Variants in ATP6V0A2 observed in about 807,000 individuals in gnomAD.
The protein encoded by ATP6V0A2 is V-type proton ATPase 116 kDa subunit a 2.
Under a neutral mutation model 104.4 loss-of-function variants are expected in ATP6V0A2, and 58 were observed. The observed-to-expected ratio is 0.56, with a 90% confidence interval of 0.45 to 0.69. The LOEUF (loss-of-function observed/expected upper bound fraction) is 0.69, where lower values mean the gene tolerates loss of function less well. ATP6V0A2 is among the 30% of genes least tolerant of loss of function. The pLI is 0.00. For synonymous variants in ATP6V0A2, 376 were observed against 397.9 expected (o/e 0.95, Z 0.65); for missense variants, 938 against 1,062.9 (o/e 0.88, Z 1.63).
intron 9 of ATP6V0A2, chr12:123,737,650 G>A: frequency 3.4e-6 from 1 of 295,142 alleles, no homozygotes; most frequent in Middle Eastern, 1.3e-3. Flanking sequence ...TCATTCACAT[G>A]GTGTAAAAGT....
chr12:123,757,952 G>A lies in ATP6V0A2; in HGVS notation c.2491G>A (p.Val831Ile), dbSNP rs774595060. Residue 831 changes from valine to isoleucine, a missense_variant, in exon 20 of 20, where the codon GTT (valine) becomes ATT (isoleucine). Transcript: ENST00000330342. Reference sequence around the variant, plus strand: ...GGTAGAATTTCAGAACAAATTCTACGTTGGTGCAGGCACCAAATTTGTTCC... The same window carrying A: ...GGTAGAATTTCAGAACAAATTCTACATTGGTGCAGGCACCAAATTTGTTCC... ...HWVEFQNKFY[V>I]GAGTKFVPFS... 2.6e-5 allele frequency: 41 copies of A among 1,599,808 alleles called. No homozygotes were observed. The highest frequency in any genetic ancestry group is 3.0e-5 in the Non-Finnish European group (35 of 1,173,778).
At chr12:123,727,988 C>T (rs1956464414) in intron 6 of ATP6V0A2, 79 bp downstream of exon 6, 4 of 1,584,032 alleles carry the variant, frequency 2.5e-6, no homozygotes, top group African/African-American at 1.3e-5. Flanking sequence ...GAATGTTTTT[C>T]TCCTGAACCA....
At position 123,744,736 on chromosome 12, in the gene ATP6V0A2, A is replaced by G. The variant is rs773134232; in HGVS notation, c.1466A>G (p.Tyr489Cys). Residue 489 changes from tyrosine (Y) to cysteine (C), a missense_variant, in exon 12 of 20, where the codon TAC becomes TGC. By Grantham distance (194) the Tyr-to-Cys change is radical. Coordinates refer to ENST00000330342, the MANE Select transcript of ATP6V0A2 (RefSeq NM_012463.4). This position sits in a 1 kb window ranked among gnomAD's most constrained non-coding sequence, Gnocchi z 5.4. ...FGSGWNVSAM[Y>C]SSSHPPAEHK... ...TCTGGGTGGAACGTGTCGGCCATGTACAGCTCCAGCCACCCACCCGCAGAG... is the reference window on the plus strand; with the variant it reads ...TCTGGGTGGAACGTGTCGGCCATGTGCAGCTCCAGCCACCCACCCGCAGAG... 4 of 1,614,132 alleles carry G rather than the reference A, an allele frequency of 2.5e-6. No homozygotes were observed. The highest frequency in any genetic ancestry group is 4.5e-5 in the East Asian group (2 of 44,880).
rs145125816 is a variant in ATP6V0A2, at chr12:123,756,923, C to G, written c.2402C>G (p.Thr801Ser). The G allele has an allele frequency of 5.0e-6, 8 of 1,614,100 alleles. No individual in the cohort carries two copies. The African/African-American group carries it at 1.1e-4, about 22-fold the overall frequency. The change falls in exon 19 of 20, where the codon ACC becomes AGC. Residue 801 changes from threonine (T) to serine (S), a missense_variant. Coordinates refer to ENST00000330342, the MANE Select transcript of ATP6V0A2 (RefSeq NM_012463.4). ...GTTATCGCGCTCTTTGCAGTTTTGACCATTTTCATCCTTCTGATCATGGAA... is the reference window on the plus strand; with the variant it reads ...GTTATCGCGCTCTTTGCAGTTTTGAGCATTTTCATCCTTCTGATCATGGAA... ...LPVIALFAVL[T>S]IFILLIMEGL...
At position 123,758,187 on chromosome 12, in the gene ATP6V0A2, T is replaced by C. The variant is rs543159551; in HGVS notation, c.*155T>C. The stretch of plus-strand genomic sequence containing the variant: ...CTGTAAGATATACCTCTTCCTCATA[T>C]GTTAAATATTTTGTAAAGTTTACCA... On this transcript the variant is annotated 3_prime_UTR_variant, in exon 20 of 20. Coordinates refer to ENST00000330342, the MANE Select transcript of ATP6V0A2 (RefSeq NM_012463.4). 1.4e-5 allele frequency: 7 copies of C among 511,614 alleles called. No homozygotes were observed. In the Admixed American group the frequency reaches 2.2e-4, roughly 16 times the overall value. 31.7% of individuals were successfully genotyped at this position (511,614 alleles called of 1,614,324 possible). A position where few individuals can be genotyped will look rare whatever the true frequency, so the allele number is the denominator to read the frequency against.
chr12:123,735,680 C>A (rs1056717594), intron 8 of ATP6V0A2, 56 bp downstream of exon 8: 24 of 1,327,186 alleles, frequency 1.8e-5, no homozygotes, highest in Non-Finnish European at 2.5e-5. Flanking sequence ...AACATTTACA[C>A]GTATATTTTC....
chr12:123,720,695 G>A (rs989710503), intron 2 of ATP6V0A2, among the ~76,000 whole-genome samples: 1 of 152,090 alleles, frequency 6.6e-6, no homozygotes, highest in Non-Finnish European at 1.5e-5. Context: ...GACCCCATAA[G>A]AATGCAGACT....
intron 1 of ATP6V0A2, among the ~76,000 whole-genome samples, chr12:123,717,163 A>G (rs1956349499): frequency 6.6e-6 from 1 of 151,616 alleles, no homozygotes; most frequent in Non-Finnish European, 1.5e-5. Context: ...AAAAATACAA[A>G]AATTAGCCGG....
Position 123,757,987 on chromosome 12 carries a change from C to CA in ATP6V0A2, c.2527dup (p.Ser843LysfsTer9), listed in dbSNP as rs1266999476. The CA allele has an allele frequency of 6.2e-7, 1 of 1,612,394 alleles. No individual in the cohort carries two copies. The highest frequency in any genetic ancestry group is 1.3e-5 in the African/African-American group (1 of 74,664). On this transcript the variant is annotated frameshift_variant, in exon 20 of 20. Transcript: ENST00000330342. LOFTEE classifies it high-confidence loss of function. ...GCACCAAATTTGTTCCTTTCTCATT[C>CA]AGTCTACTTTCATCAAAGTTCAATA...
intron 6 of ATP6V0A2, chr12:123,731,631 G>C (rs1479102475): frequency 6.7e-6 from 1 of 149,212 alleles, no homozygotes; most frequent in African/African-American, 2.5e-5. Flanking sequence ...GGGCTCAAAC[G>C]ATCCTCCTGC....
chr12:123,724,857 C>T, intron 4 of ATP6V0A2, 66 bp downstream of exon 4: 1 of 1,411,312 alleles, frequency 7.1e-7, no homozygotes. Flanking sequence ...AATCTCATTC[C>T]CATAGGCTGT....
At chr12:123,743,653 C>CAA in intron 9 of ATP6V0A2, 132 bp from the exon 10 acceptor site, 1 of 1,009,374 alleles carries the variant, frequency 9.9e-7, no homozygotes, top group Non-Finnish European at 1.5e-6. Flanking sequence ...AACTCCGTCT[C>CAA]AAAAAAAAAC....
rs570277055 is a variant in ATP6V0A2, at chr12:123,743,995, A to G, written c.1189+60A>G. On this transcript the variant is annotated intron_variant, in intron 10 of 19. Coordinates refer to ENST00000330342, the MANE Select transcript of ATP6V0A2 (RefSeq NM_012463.4). ...AATGGCATTGTTGCATTCTTGCTCT[A>G]AGAATGGAATAGATATTTGGAAAGA... 357 of 1,603,064 alleles carry G rather than the reference A, an allele frequency of 2.2e-4. 2 individuals carry two copies. The South Asian group carries it at 3.7e-3, about 17-fold the overall frequency.
At chr12:123,730,298 A>G (rs913968720) in intron 6 of ATP6V0A2, among the ~76,000 whole-genome samples, 1 of 150,870 alleles carries the variant, frequency 6.6e-6, no homozygotes, top group African/African-American at 2.4e-5. Flanking sequence ...CTCATGATCC[A>G]CCCGCCTCGG....
intron 1 of ATP6V0A2, 72 bp downstream of exon 1, chr12:123,712,754 C>G: frequency 7.5e-7 from 1 of 1,326,950 alleles, no homozygotes; most frequent in African/African-American, 1.4e-5. Flanking sequence ...TCGCTGGGGC[C>G]CTCCCGCGGG....
rs1227297055 is a variant in ATP6V0A2 at position 123,712,574 on chromosome 12, C to G, written c.9C>G (p.Ser3=). Residue 3 remains serine, a synonymous_variant, in exon 1 of 20, where the codon TCC becomes TCG. Coordinates refer to ENST00000330342, the MANE Select transcript of ATP6V0A2 (RefSeq NM_012463.4). ...GCGCGGGTCGGCCCGCCATGGGGTC[C>G]CTGTTCCGGAGCGAGACCATGTGCC... MG[S]LFRSETMCLA... is the part of the protein sequence containing the mutation. 1.3e-6 allele frequency: 2 copies of G among 1,592,672 alleles called. No homozygotes were observed. The highest frequency in any genetic ancestry group is 1.7e-6 in the Non-Finnish European group (2 of 1,172,346).
chr12:123,753,141 GT>G lies in ATP6V0A2; in HGVS notation c.2175+740del, dbSNP rs1223383181. Among the ~76,000 whole-genome samples the G allele has an allele frequency of 2.8e-5, 4 of 140,766 alleles. No homozygotes were observed. The East Asian group carries it at 6.8e-4, about 24-fold the overall frequency. 92.3% of individuals were successfully genotyped at this position (140,766 alleles called of 152,430 possible). A position where few individuals can be genotyped will look rare whatever the true frequency, so the allele number is the denominator to read the frequency against. ...GGTGTCTGCTCAGTCTCCCTTACCA[GT>G]GACCACTGTGTCAGTCCCCTTTACC... On this transcript the variant is annotated intron_variant, in intron 17 of 19. Coordinates refer to ENST00000330342, the MANE Select transcript of ATP6V0A2 (RefSeq NM_012463.4).
chr12:123,752,208 G>T, intron 16 of ATP6V0A2, 75 bp from the exon 17 acceptor site: 2 of 1,588,212 alleles, frequency 1.3e-6, no homozygotes, highest in South Asian at 1.1e-5. Flanking sequence ...GAGAAACAAA[G>T]AAACTATACA....
intron 1 of ATP6V0A2, among the ~76,000 whole-genome samples, chr12:123,717,050 C>G (rs1956347889): frequency 6.6e-6 from 1 of 152,086 alleles, no homozygotes; most frequent in Non-Finnish European, 1.5e-5. Context: ...CGTGGTGGCT[C>G]ACGCCTGTAA....
Sources: gnomAD v4.1 joint callset for allele counts (sites outside exome capture counted in the v4.1 genomes callset) on GRCh38, gnomAD v4.1.1 for gene constraint, Gnocchi (gnomAD v3.1) non-coding constraint, MANE v1.5 for transcripts, NCBI Gene and HGNC (gene_info 2026-07-23, HGNC 2026-07-21) for gene names.